The following FHIT variants were observed in gnomAD, a reference collection of about 807,000 sequenced individuals.
The protein encoded by FHIT is bis(5'-adenosyl)-triphosphatase.
In FHIT, 19 loss-of-function variants were observed where a neutral mutation model predicts 17.9. The ratio of observed to expected loss-of-function variants is 1.06; its 90% CI spans 0.74 to 1.56. The LOEUF is 1.56. Ranked by LOEUF, FHIT falls within the 40% of genes most tolerant of loss-of-function variation. The pLI is 0.00. For missense variants in FHIT, 248 were observed against 189.2 expected, an observed-to-expected ratio of 1.31 and a Z score of -1.82; for synonymous variants, 81 against 69.7, an observed-to-expected ratio of 1.16 and a Z score of -0.81.
intron 3 of FHIT, among the ~76,000 whole-genome samples, chr3:60,939,483 C>T (rs563024055): frequency 6.6e-6 from 1 of 152,254 alleles, no homozygotes; most frequent in Admixed American, 6.5e-5. Context: ...AGAATCCAGA[C>T]ATCCATTCAA....
chr3:60,537,627 T>G, intron 4 of FHIT: 1 of 181,772 alleles, frequency 5.5e-6, no homozygotes, highest in Non-Finnish European at 1.0e-5. Flanking sequence ...GTACCTGAAA[T>G]GTTCTGCGTC....
intron 5 of FHIT, among the ~76,000 whole-genome samples, chr3:60,069,288 G>A (rs1404553886): frequency 2.0e-5 from 3 of 152,144 alleles, no homozygotes; most frequent in African/African-American, 7.2e-5. Context: ...AAGTGTTTGT[G>A]TATTAAGTGT....
chr3:59,756,499 A>T lies in FHIT; in HGVS notation c.349-4178T>A, dbSNP rs1487478475. Among the ~76,000 whole-genome samples the T allele has an allele frequency of 2.0e-5, 3 of 151,760 alleles. No individual in the cohort carries two copies. In the East Asian group the frequency reaches 5.8e-4, roughly 29 times the overall value. On this transcript the variant is annotated intron_variant, in intron 8 of 9. Coordinates refer to ENST00000492590, the MANE Select transcript of FHIT (RefSeq NM_002012.4). ...CAGATTTAGCAAACAAAAATACAAG[A>T]CACTCAGTGACTTGTTTTAGGATAA...
rs1430633728 is a variant in FHIT, at chr3:59,830,683, C to A, written c.349-78362G>T. Among the ~76,000 whole-genome samples, 4 of 152,156 alleles carry A rather than the reference C, an allele frequency of 2.6e-5. No homozygotes were observed. In the South Asian group the frequency reaches 8.3e-4, roughly 32 times the overall value. On this transcript the variant is annotated intron_variant, in intron 8 of 9. Coordinates refer to ENST00000492590, the MANE Select transcript of FHIT (RefSeq NM_002012.4). ...TATCATAATTCTGCAGACATAAATT[C>A]CCTCATTATCTGTGGGCCAGGTCAA...
At chr3:60,599,270 C>A (rs1483248137) in intron 4 of FHIT, among the ~76,000 whole-genome samples, 3 of 152,080 alleles carry the variant, frequency 2.0e-5, no homozygotes, top group African/African-American at 7.2e-5. Context: ...TAAAAATATA[C>A]CTGCTGTTGA....
chr3:59,771,044 A>G (rs1413271064), intron 8 of FHIT, among the ~76,000 whole-genome samples: 1 of 152,232 alleles, frequency 6.6e-6, no homozygotes, highest in East Asian at 1.9e-4. Flanking sequence ...ACTGCTTGAA[A>G]TACCTGCACT....
At chr3:60,624,178 T>G (rs1288092901) in intron 4 of FHIT, among the ~76,000 whole-genome samples, 1 of 152,148 alleles carries the variant, frequency 6.6e-6, no homozygotes, top group African/African-American at 2.4e-5. Context: ...CAAAAGCCAG[T>G]AGGACGTATG....
At chr3:60,458,757 T>G (rs1214222088) in intron 5 of FHIT, among the ~76,000 whole-genome samples, 2 of 152,018 alleles carry the variant, frequency 1.3e-5, no homozygotes, top group African/African-American at 4.8e-5. Flanking sequence ...CTTCATGATA[T>G]GGGGGCTATG....
intron 7 of FHIT, among the ~76,000 whole-genome samples, chr3:59,975,857 A>T (rs1708385246): frequency 6.8e-6 from 1 of 147,702 alleles, no homozygotes; most frequent in Non-Finnish European, 1.5e-5. Flanking sequence ...AGATTGGACT[A>T]GGAATCCAAC....
At chr3:61,003,533 T>C (rs547321094) in intron 3 of FHIT, among the ~76,000 whole-genome samples, 27 of 152,360 alleles carry the variant, frequency 1.8e-4, no homozygotes, top group African/African-American at 5.8e-4. Context: ...ATTGTGTTTA[T>C]GCCCCTTAAA....
intron 8 of FHIT, among the ~76,000 whole-genome samples, chr3:59,921,642 C>A (rs951365933): frequency 3.8e-5 from 5 of 132,430 alleles, no homozygotes; most frequent in African/African-American, 1.5e-4. Context: ...CTACAATAAA[C>A]AGGTAAATTG....
intron 4 of FHIT, among the ~76,000 whole-genome samples, chr3:60,708,882 TG>T (rs782781188): frequency 6.6e-6 from 1 of 152,186 alleles, no homozygotes; most frequent in Non-Finnish European, 1.5e-5. Context: ...TGAATCTCCA[TG>T]GGGGGCTGTA....
At chr3:60,545,152 C>A (rs2036319209) in intron 4 of FHIT, among the ~76,000 whole-genome samples, 1 of 151,334 alleles carries the variant, frequency 6.6e-6, no homozygotes, top group East Asian at 1.9e-4. Context: ...TCACATAATA[C>A]TGGTAAAAAC....
intron 5 of FHIT, among the ~76,000 whole-genome samples, chr3:60,275,628 TACAC>T (rs146364506): frequency 2.0e-5 from 3 of 149,738 alleles, no homozygotes; most frequent in African/African-American, 4.9e-5. Context: ...GTCAATGCCA[TACAC>T]ACACACACAC....
At chr3:60,194,918 C>A (rs1702555707) in intron 5 of FHIT, among the ~76,000 whole-genome samples, 1 of 152,124 alleles carries the variant, frequency 6.6e-6, no homozygotes, top group African/African-American at 2.4e-5. Context: ...GTAATCCCAG[C>A]ACCTTAGGAG....
chr3:59,918,015 T>G (rs1268364316), intron 8 of FHIT, among the ~76,000 whole-genome samples: 1 of 152,230 alleles, frequency 6.6e-6, no homozygotes, highest in South Asian at 2.1e-4. Flanking sequence ...TGTAGCCTTC[T>G]GCACACTGAT....
chr3:60,525,016 G>T lies in FHIT; in HGVS notation c.103+11844C>A, dbSNP rs143165085. Among the ~76,000 whole-genome samples, 349 of 152,324 alleles carry T rather than the reference G, an allele frequency of 2.3e-3. 11 individuals are homozygous for T. In the East Asian group the frequency reaches 0.052, roughly 23 times the overall value. The stretch of plus-strand genomic sequence containing the variant: ...GAGGGGCAATGGTTGATGGCAGGGG[G>T]TGGATGGAGGAGTACAAGTAGGAAC... On this transcript the variant is annotated intron_variant, in intron 5 of 9. Transcript: ENST00000492590.
intron 5 of FHIT, among the ~76,000 whole-genome samples, chr3:60,131,556 T>A (rs1699596766): frequency 6.6e-6 from 1 of 152,138 alleles, no homozygotes. Context: ...TAAAACAATG[T>A]TCCTACCTAA....
At chr3:60,398,704 T>C (rs1470723488) in intron 5 of FHIT, among the ~76,000 whole-genome samples, 1 of 152,156 alleles carries the variant, frequency 6.6e-6, no homozygotes. Context: ...TAGAAAATAT[T>C]AATGTTACCA....
Sources: gnomAD v4.1 joint callset for allele counts (sites outside exome capture counted in the v4.1 genomes callset) on GRCh38, gnomAD v4.1.1 for gene constraint, MANE v1.5 for transcripts, NCBI Gene and HGNC (gene_info 2026-07-23, HGNC 2026-07-21) for gene names.